Variants in PCDHGB6 observed in about 807,000 individuals in gnomAD.
The protein encoded by PCDHGB6 is protocadherin gamma subfamily B, 6.
A neutral mutation model predicts 59.1 loss-of-function variants in PCDHGB6; 51 were observed. The ratio of observed to expected loss-of-function variants is 0.86; its 90% CI spans 0.69 to 1.09. The LOEUF (loss-of-function observed/expected upper bound fraction) is 1.09, where lower values mean the gene tolerates loss of function less well. PCDHGB6 is among the 50% of genes least tolerant of loss of function. The probability of loss-of-function intolerance (pLI) is 0.00; values close to 1 mark genes in which losing one functional copy is unlikely to be tolerated. For synonymous variants in PCDHGB6, 466 were observed against 495.1 expected (o/e 0.94, Z 0.78); for missense variants, 1,148 against 1,205.1 (o/e 0.95, Z 0.70).
chr5:141,499,012 G>GGAAGGAAT, intron 2 of PCDHGB6, among the ~76,000 whole-genome samples: 1 of 147,618 alleles, frequency 6.8e-6, no homozygotes. Context: ...AAGGAAGGAA[G>GGAAGGAAT]GAAGGAAGGA....
chr5:141,414,934 G>A (rs1473788181), intron 1 of PCDHGB6: 1 of 1,614,146 alleles, frequency 6.2e-7, no homozygotes, highest in South Asian at 1.1e-5. Context: ...CCGCTCCGCA[G>A]AGCCCGGCTA....
chr5:141,429,377 G>T (rs1029180912), intron 1 of PCDHGB6, among the ~76,000 whole-genome samples: 1 of 149,434 alleles, frequency 6.7e-6, no homozygotes, highest in African/African-American at 2.5e-5. Context: ...GAGAAAATGT[G>T]TTTTTTTTTT....
chr5:141,465,429 A>G (rs1191638112), intron 1 of PCDHGB6, among the ~76,000 whole-genome samples: 2 of 152,316 alleles, frequency 1.3e-5, no homozygotes, highest in East Asian at 3.9e-4. Context: ...AAAGGTGGGC[A>G]CTTAATGATT....
At chr5:141,413,182 G>T (rs752788034) in intron 1 of PCDHGB6, 2 of 1,604,164 alleles carry the variant, frequency 1.2e-6, no homozygotes, top group Admixed American at 3.4e-5. Flanking sequence ...TACAATGGCC[G>T]CTCAAAGGAA....
At chr5:141,495,814 T>C (rs2099764028) in intron 2 of PCDHGB6, among the ~76,000 whole-genome samples, 1 of 152,134 alleles carries the variant, frequency 6.6e-6, no homozygotes, top group Non-Finnish European at 1.5e-5. Context: ...TCCTAGCGCC[T>C]TGTGTTCTTC....
chr5:141,478,520 G>A, intron 1 of PCDHGB6: 1 of 1,610,510 alleles, frequency 6.2e-7, no homozygotes, highest in Non-Finnish European at 8.5e-7. Context: ...GCAGGTGTTG[G>A]GTGCAGAGAG....
chr5:141,476,820 T>C lies in PCDHGB6; in HGVS notation c.2419-17987T>C, dbSNP rs368919360. 6.2e-7 allele frequency: 1 copy of C among 1,613,594 alleles called. No individual in the cohort carries two copies. Among genetic ancestry groups the C allele is most frequent in the African/African-American group, 1.3e-5 (1 of 75,066 alleles). The stretch of plus-strand genomic sequence containing the variant: ...AGCCTGCCTATTCACATCAAGGTGC[T>C]GGACGCGAATGACAATGCGCCTGTC... On this transcript the variant is annotated intron_variant, in intron 1 of 3. Transcript: ENST00000520790. This position sits in a 1 kb window ranked among gnomAD's most constrained non-coding sequence, Gnocchi z 7.6.
intron 1 of PCDHGB6, chr5:141,410,849 C>CTTTTTTTTTTTTTTTTTTGTTTTTTTT (rs2095435748): frequency 1.5e-5 from 2 of 129,786 alleles, no homozygotes; most frequent in Non-Finnish European, 2.6e-5. Context: ...TTGTCTTTGT[C>CTTTTTTTTTTTTTTTTTTGTTTTTTTT]TTTTTTTTTT....
chr5:141,474,986 A>G (rs1328341214), intron 1 of PCDHGB6, among the ~76,000 whole-genome samples: 1 of 152,238 alleles, frequency 6.6e-6, no homozygotes, highest in Non-Finnish European at 1.5e-5. Context: ...GTTTGGTGAC[A>G]ACAATTCTAA....
In PCDHGB6 at chr5:141,486,649, C is replaced by G; in HGVS notation, c.2419-8158C>G. On this transcript the variant is annotated intron_variant, in intron 1 of 3. Transcript: ENST00000520790. This position sits in a 1 kb window ranked among gnomAD's most constrained non-coding sequence, Gnocchi z 5.0. The stretch of plus-strand genomic sequence containing the variant: ...CTGGCTTGAATGCGCTTATCTCCTA[C>G]TCACTCCTGGAGCCCAGGAATCGAG... The G allele has an allele frequency of 6.2e-7, 1 of 1,613,952 alleles. No individual in the cohort carries two copies. The highest frequency in any genetic ancestry group is 8.5e-7 in the Non-Finnish European group (1 of 1,180,034).
chr5:141,415,044 G>T, intron 1 of PCDHGB6: 2 of 1,613,506 alleles, frequency 1.2e-6, no homozygotes, highest in East Asian at 2.2e-5. Flanking sequence ...TCTTCGCGGT[G>T]GGGGAGCACA....
chr5:141,433,993 T>G (rs1367687577), intron 1 of PCDHGB6, among the ~76,000 whole-genome samples: 1 of 152,216 alleles, frequency 6.6e-6, no homozygotes, highest in Non-Finnish European at 1.5e-5. Context: ...GAGTTTTATA[T>G]TCTCTATATA....
rs2099624499 is a variant in PCDHGB6, at chr5:141,486,100, C to A, written c.2419-8707C>A. The A allele has an allele frequency of 6.2e-7, 1 of 1,614,072 alleles. No homozygotes were observed. The highest frequency in any genetic ancestry group is 1.3e-5 in the African/African-American group (1 of 74,930). ...AGCTTACTCTTTTGGGGCCCCTAGA[C>A]TTTGAGAGTGAGAATTACTATGAAT... On this transcript the variant is annotated intron_variant, in intron 1 of 3. Coordinates refer to ENST00000520790, the MANE Select transcript of PCDHGB6 (RefSeq NM_018926.3). This position sits in a 1 kb window ranked among gnomAD's most constrained non-coding sequence, Gnocchi z 5.0.
chr5:141,435,897 A>G (rs1206255678), intron 1 of PCDHGB6, among the ~76,000 whole-genome samples: 2 of 152,166 alleles, frequency 1.3e-5, no homozygotes, highest in East Asian at 1.9e-4. Context: ...TAGAGAATGA[A>G]AGACATCCAA....
At chr5:141,439,496 G>A (rs1166315364) in intron 1 of PCDHGB6, among the ~76,000 whole-genome samples, 2 of 152,152 alleles carry the variant, frequency 1.3e-5, no homozygotes, top group Non-Finnish European at 2.9e-5. Context: ...AGTGAGAAAC[G>A]TCTTTCTCTC....
chr5:141,418,350 T>A, intron 1 of PCDHGB6: 1 of 1,614,002 alleles, frequency 6.2e-7, no homozygotes, highest in Non-Finnish European at 8.5e-7. Context: ...GATATTAGTA[T>A]GAATTCGCTG....
Position 141,429,390 on chromosome 5 carries a change from A to ATTTT in PCDHGB6, c.2418+18770_2418+18771insTTTT, listed in dbSNP as rs1561841316. ...TGGAGAAAATGTGTTTTTTTTTTAA[A>ATTTT]AAAAATTGAGATTAAGGTCTCATTA... On this transcript the variant is annotated intron_variant, in intron 1 of 3. Coordinates refer to ENST00000520790, the MANE Select transcript of PCDHGB6 (RefSeq NM_018926.3). 1.2e-4 allele frequency among the ~76,000 whole-genome samples: 18 copies of ATTTT among 150,328 alleles called. No homozygotes were observed. In the East Asian group the frequency reaches 1.9e-3, roughly 16 times the overall value.
At chr5:141,475,583 G>A (rs1181419200) in intron 1 of PCDHGB6, among the ~76,000 whole-genome samples, 1 of 152,198 alleles carries the variant, frequency 6.6e-6, no homozygotes, top group Non-Finnish European at 1.5e-5. Context: ...CAGATTTGTT[G>A]GTGTTTTTCC....
chr5:141,480,429 T>A (rs72790066), intron 1 of PCDHGB6, among the ~76,000 whole-genome samples: 9,317 of 151,926 alleles, frequency 0.061, 335 homozygotes, highest in South Asian at 0.12. Context: ...AAAAAAATTA[T>A]CAGCTATTAC....
Sources: gnomAD v4.1 joint callset for allele counts (sites outside exome capture counted in the v4.1 genomes callset) on GRCh38, gnomAD v4.1.1 for gene constraint, Gnocchi (gnomAD v3.1) non-coding constraint, MANE v1.5 for transcripts, NCBI Gene and HGNC (gene_info 2026-07-23, HGNC 2026-07-21) for gene names.